Variants in MYBPC1 observed in about 807,000 individuals in gnomAD.
The protein encoded by MYBPC1 is myosin binding protein C1.
In MYBPC1, 52 loss-of-function variants were observed where a neutral mutation model predicts 147.1. That is an observed-to-expected ratio of 0.35 (90% CI 0.28 to 0.45). The LOEUF is 0.45. Among genes scored for constraint, MYBPC1 ranks in the 20% least tolerant of loss-of-function variants. The pLI is 1.00. For synonymous variants in MYBPC1, 477 were observed against 475.9 expected (o/e 1.00, Z -0.03); for missense variants, 1,228 against 1,440.3 (o/e 0.85, Z 2.39).
chr12:101,632,231 A>G, intron 8 of MYBPC1, 93 bp downstream of exon 8: 1 of 936,504 alleles, frequency 1.1e-6, no homozygotes, highest in Non-Finnish European at 1.8e-6. Context: ...ATGAGATTTC[A>G]GAGAAAGTTT....
At position 101,634,227 on chromosome 12, in the gene MYBPC1, T is replaced by A. The variant is rs140890306; in HGVS notation, c.557-327T>A. ...TGGAGGGCTATTTAAGAATATTGAT[T>A]TCTGGGTGCCCCTCCCTGATCTGGT... On this transcript the variant is annotated intron_variant, in intron 8 of 31. Coordinates refer to ENST00000361466, the MANE Select transcript of MYBPC1 (RefSeq NM_002465.4). Among the ~76,000 whole-genome samples the A allele has an allele frequency of 2.6e-5, 4 of 152,250 alleles. No homozygotes were observed. The East Asian group carries it at 7.7e-4, about 29-fold the overall frequency.
At chr12:101,595,224 A>G (rs188654313) in intron 1 of MYBPC1, 129 bp downstream of exon 1, 2 of 877,802 alleles carry the variant, frequency 2.3e-6, no homozygotes, top group Admixed American at 2.1e-5. Context: ...TAAGGAAACG[A>G]TCTTTTAGAT....
intron 23 of MYBPC1, among the ~76,000 whole-genome samples, chr12:101,669,034 C>T (rs1379673078): frequency 6.6e-6 from 1 of 152,096 alleles, no homozygotes; most frequent in Non-Finnish European, 1.5e-5. Context: ...CTGCAGTGAG[C>T]CAAGATCACG....
intron 15 of MYBPC1, chr12:101,650,987 G>T: frequency 2.0e-6 from 1 of 493,146 alleles, no homozygotes; most frequent in South Asian, 2.0e-5. Context: ...TGCAGATTTT[G>T]TGCATTCCTT....
chr12:101,678,343 C>G (rs1900498327), intron 28 of MYBPC1, 105 bp downstream of exon 28: 10 of 1,499,810 alleles, frequency 6.7e-6, no homozygotes, highest in Admixed American at 1.7e-5. Context: ...TGTGTCTTCC[C>G]AGGATGGGGG....
chr12:101,642,082 T>G (rs990794088), intron 10 of MYBPC1, among the ~76,000 whole-genome samples: 13 of 152,232 alleles, frequency 8.5e-5, no homozygotes, highest in Non-Finnish European at 1.8e-4. Flanking sequence ...GTTAAGTTTC[T>G]CAAAATCCCA....
chr12:101,684,906 CA>C (rs1252354479), intron 31 of MYBPC1, among the ~76,000 whole-genome samples: 1 of 152,112 alleles, frequency 6.6e-6, no homozygotes. Context: ...ACTAAAGGAC[CA>C]TGAATTTTTG....
chr12:101,680,461 G>A lies in MYBPC1; in HGVS notation c.3365G>A (p.Gly1122Asp), dbSNP rs763043382. The A allele has an allele frequency of 6.2e-7, 1 of 1,614,142 alleles. No homozygotes were observed. Among genetic ancestry groups the A allele is most frequent in the South Asian group, 1.1e-5 (1 of 91,086 alleles). Residue 1122 changes from glycine (G) to aspartate (D), a missense_variant, in exon 29 of 32, where the codon GGC becomes GAC. Gly to Asp is a moderately conservative substitution (Grantham distance 94, BLOSUM62 -1). Around this residue, in one of 2 missense-constraint regions of MYBPC1, gnomAD observed 1,077 missense variants for 1,314.2 expected, o/e 0.82. Coordinates refer to ENST00000361466, the MANE Select transcript of MYBPC1 (RefSeq NM_002465.4). ...CGCAAGCCCAGCCCCTATGATGGAG[G>A]CACTTACTGCTGCAAAGCAGTCAAT... Reference protein sequence around the residue: ...EIRKPSPYDGGTYCCKAVNDL... With the variant: ...EIRKPSPYDGDTYCCKAVNDL...
At position 101,651,597 on chromosome 12, in the gene MYBPC1, A is replaced by C. The variant is rs111712626; in HGVS notation, c.1526+204A>C. On this transcript the variant is annotated intron_variant, in intron 16 of 31. Transcript: ENST00000361466. ...TCATAATCCTGTATCTGTACCTCAC[A>C]CTATGGTACTTTGTCTATTCAAAAT... is the stretch of plus-strand genomic sequence containing the variant. Among the ~76,000 whole-genome samples, 865 of 152,332 alleles carry C rather than the reference A, an allele frequency of 5.7e-3. 10 individuals carry two copies. Among genetic ancestry groups the C allele is most frequent in the African/African-American group, 0.02 (829 of 41,572 alleles).
At chr12:101,680,754 A>T (rs1437189062) in intron 29 of MYBPC1, among the ~76,000 whole-genome samples, 1 of 152,130 alleles carries the variant, frequency 6.6e-6, no homozygotes. Context: ...TTGTTATTTA[A>T]GTCAACTTAT....
At chr12:101,669,202 G>GCTGCACACT (rs1481716435) in intron 23 of MYBPC1, among the ~76,000 whole-genome samples, 4 of 152,156 alleles carry the variant, frequency 2.6e-5, no homozygotes, top group Non-Finnish European at 5.9e-5. Context: ...AAGTACTTAG[G>GCTGCACACT]CTGCACACTG....
intron 22 of MYBPC1, chr12:101,666,182 C>CT (rs1298977238): frequency 1.2e-5 from 2 of 160,956 alleles, no homozygotes; most frequent in Non-Finnish European, 2.8e-5. Context: ...TCCTGAGCTG[C>CT]TGGGGCAGCC....
chr12:101,638,748 G>A (rs942421138), intron 10 of MYBPC1, among the ~76,000 whole-genome samples: 13 of 152,086 alleles, frequency 8.5e-5, no homozygotes, highest in Non-Finnish European at 1.8e-4. Flanking sequence ...TAATTACATA[G>A]TCAAAATGAC....
Position 101,634,567 on chromosome 12 carries a change from T to C in MYBPC1, c.570T>C (p.Thr190=). 1.2e-6 allele frequency: 2 copies of C among 1,613,094 alleles called. No homozygotes were observed. Among genetic ancestry groups the C allele is most frequent in the East Asian group, 2.2e-5 (1 of 44,850 alleles). The change falls in exon 9 of 32, where the codon ACT becomes ACC. Residue 190 remains threonine (T), a synonymous_variant. Transcript: ENST00000361466. ...TTCCTTTCAAAGAATCTACTGGGAC[T>C]ACTCCAAACATTGACATCAGATCTG... is the stretch of plus-strand genomic sequence containing the variant. The part of the protein sequence containing the change: ...FDLEVHESTG[T]TPNIDIRSAF...
chr12:101,631,499 A>G (rs2136052031), intron 6 of MYBPC1, 72 bp from the exon 7 acceptor site: 1 of 1,537,362 alleles, frequency 6.5e-7, no homozygotes, highest in Admixed American at 1.7e-5. Context: ...TCCCATGTCA[A>G]CTCCTTCCAG....
intron 23 of MYBPC1, among the ~76,000 whole-genome samples, chr12:101,669,035 C>G (rs1285730034): frequency 6.6e-6 from 1 of 151,996 alleles, no homozygotes; most frequent in Non-Finnish European, 1.5e-5. Context: ...TGCAGTGAGC[C>G]AAGATCACGC....
intron 18 of MYBPC1, among the ~76,000 whole-genome samples, chr12:101,654,665 T>TTTA (rs1464011374): frequency 2.0e-5 from 3 of 152,088 alleles, no homozygotes; most frequent in Non-Finnish European, 4.4e-5. Context: ...CAGTGCACAT[T>TTTA]TATGAGGAAA....
At position 101,666,924 on chromosome 12, in the gene MYBPC1, CACACAT is replaced by C. The variant is rs776615848; in HGVS notation, c.2357-802_2357-797del. The stretch of plus-strand genomic sequence containing the variant: ...ACACACACACACACACACACACACA[CACACAT>C]ACACACACACACATCCTTAGAGATG... On this transcript the variant is annotated intron_variant, in intron 22 of 31. Coordinates refer to ENST00000361466, the MANE Select transcript of MYBPC1 (RefSeq NM_002465.4). 5.8e-3 allele frequency: 1,873 copies of C among 325,610 alleles called. 4 individuals are homozygous for C. The highest frequency in any genetic ancestry group is 0.011 in the Middle Eastern group (13 of 1,198). The allele number at this position is 325,610 out of a possible 1,614,324, so 20.2% of individuals were successfully genotyped here.
rs144432900 is a variant in MYBPC1 at position 101,623,675 on chromosome 12, T to A, written c.104-3197T>A. On this transcript the variant is annotated intron_variant, in intron 3 of 31. Coordinates refer to ENST00000361466, the MANE Select transcript of MYBPC1 (RefSeq NM_002465.4). ...GCTCCTTTCTAGGACTTGATTGAAT[T>A]TTAACTTCATTTCTGTTAATTTTTA... Among the ~76,000 whole-genome samples, 521 of 152,334 alleles carry A rather than the reference T, an allele frequency of 3.4e-3. 2 individuals carry two copies. The highest frequency in any genetic ancestry group is 0.012 in the African/African-American group (506 of 41,570).
Sources: gnomAD v4.1 joint callset for allele counts (sites outside exome capture counted in the v4.1 genomes callset) on GRCh38, gnomAD v4.1.1 for gene constraint, gnomAD v4.1.1 regional missense constraint, MANE v1.5 for transcripts, NCBI Gene and HGNC (gene_info 2026-07-23, HGNC 2026-07-21) for gene names.